The following ZNF69 variants were observed in gnomAD, a reference collection of about 807,000 sequenced individuals.
ZNF69 encodes zinc finger protein 69, also known as ZNF3.
ZNF69 carries 47 observed loss-of-function variants against 50.9 expected under a neutral mutation model. The ratio of observed to expected loss-of-function variants is 0.92; its 90% confidence interval spans 0.73 to 1.18. ZNF69 has a LOEUF of 1.18. Among genes scored for constraint, ZNF69 ranks in the 50% most tolerant of loss-of-function variants. The pLI is 0.00. For synonymous variants in ZNF69, 216 were observed against 223.1 expected, an observed-to-expected ratio of 0.97 and a Z score of 0.29; for missense variants, 717 against 675.1, an observed-to-expected ratio of 1.06 and a Z score of -0.69.
chr19:11,972,880 T>C, the ZNF69 span, among the ~76,000 whole-genome samples: 1 of 151,496 alleles, frequency 6.6e-6, no homozygotes, highest in Non-Finnish European at 1.5e-5. Context: ...CAGCTTGAAC[T>C]GCAGTGTTGG....
At chr19:11,922,747 T>C in the ZNF69 span, among the ~76,000 whole-genome samples, 1 of 152,130 alleles carries the variant, frequency 6.6e-6, no homozygotes, top group African/African-American at 2.4e-5. Context: ...TACCACCTGC[T>C]GTGTTTTACA....
the ZNF69 span, among the ~76,000 whole-genome samples, chr19:11,922,567 C>CA: frequency 4.1e-4 from 62 of 152,268 alleles, no homozygotes; most frequent in African/African-American, 8.4e-4. Context: ...GAAGGTTCTG[C>CA]AGCTTGGTTT....
At chr19:11,976,171 T>G in the ZNF69 span, among the ~76,000 whole-genome samples, 5 of 150,360 alleles carry the variant, frequency 3.3e-5, no homozygotes. Context: ...GATTACACTT[T>G]GGGAACAGGC....
At chr19:11,902,472 C>G (rs545022326) in intron 1 of ZNF69, among the ~76,000 whole-genome samples, 2 of 152,030 alleles carry the variant, frequency 1.3e-5, no homozygotes, top group South Asian at 4.2e-4. Context: ...TCTTGTTTGC[C>G]CTCTTGAGTA....
At chr19:11,904,348 C>T (rs1030813231) in intron 3 of ZNF69, among the ~76,000 whole-genome samples, 1 of 152,122 alleles carries the variant, frequency 6.6e-6, no homozygotes, top group Non-Finnish European at 1.5e-5. Flanking sequence ...TCACTGCACT[C>T]CAGTGTGGGC....
chr19:11,947,616 A>G, the ZNF69 span: 9 of 1,514,046 alleles, frequency 5.9e-6, no homozygotes, highest in Admixed American at 9.2e-5. Context: ...TCTCTGCACA[A>G]TCTTAGAATA....
chr19:11,922,737 T>TATC, the ZNF69 span, among the ~76,000 whole-genome samples: 2 of 152,066 alleles, frequency 1.3e-5, no homozygotes, highest in Admixed American at 6.6e-5. Context: ...CATAAGGAAA[T>TATC]ACCACCTGCT....
intron 1 of ZNF69, among the ~76,000 whole-genome samples, chr19:11,889,877 CAT>C (rs1439138789): frequency 6.6e-6 from 1 of 152,140 alleles, no homozygotes; most frequent in Non-Finnish European, 1.5e-5. Context: ...AGCAGGGAAT[CAT>C]GTGAGCAAAG....
the ZNF69 span, chr19:11,950,274 TGAA>T: frequency 1.9e-6 from 3 of 1,593,810 alleles, no homozygotes; most frequent in Non-Finnish European, 2.6e-6. Context: ...TTTATGGACA[TGAA>T]TAGACTCACA....
chr19:11,950,489 C>A, the ZNF69 span: 1 of 652,450 alleles, frequency 1.5e-6, no homozygotes, highest in African/African-American at 1.8e-5. Context: ...ATTCTAGTTC[C>A]GTTTGATATC....
the ZNF69 span, among the ~76,000 whole-genome samples, chr19:11,976,207 A>T: frequency 9.3e-5 from 14 of 150,886 alleles, no homozygotes; most frequent in Non-Finnish European, 4.4e-5. Flanking sequence ...CAGCCTCAGG[A>T]CTGCTAATGT....
At chr19:11,945,910 A>C in the ZNF69 span, among the ~76,000 whole-genome samples, 4 of 152,112 alleles carry the variant, frequency 2.6e-5, no homozygotes, top group Non-Finnish European at 5.9e-5. Flanking sequence ...AGTGCAGGGC[A>C]AGCAGAAAGC....
At chr19:11,918,589 T>A (rs1042018662), downstream of ZNF69, among the ~76,000 whole-genome samples, 3 of 152,038 alleles carry the variant, frequency 2.0e-5, no homozygotes, top group African/African-American at 4.8e-5. Context: ...GCTTGAGCAA[T>A]CCTCCCACCT....
At chr19:11,898,403 T>G (rs904742040) in intron 1 of ZNF69, among the ~76,000 whole-genome samples, 26 of 147,726 alleles carry the variant, frequency 1.8e-4, no homozygotes, top group Non-Finnish European at 3.0e-4. Context: ...TTTTTTTTTT[T>G]TTTTTGAGAC....
At chr19:11,919,175 G>A (rs528842997), downstream of ZNF69, among the ~76,000 whole-genome samples, 465 of 152,150 alleles carry the variant, frequency 3.1e-3, 1 homozygote, top group African/African-American at 0.01. Context: ...GATTACAGGC[G>A]TGAGCCACCG....
chr19:11,904,657 T>C lies in ZNF69; in HGVS notation c.260T>C (p.Ile87Thr), dbSNP rs535992085. ...QNPRRNFRSLIEKKVNEIKDD... is the reference protein window; with the variant it reads ...QNPRRNFRSLTEKKVNEIKDD... ...CTTCTCATTTTTGACAGGAGTCTCA[T>C]AGAAAAGAAAGTCAATGAAATTAAA... The change falls in exon 4 of 4, where the codon ATA becomes ACA. Residue 87 changes from isoleucine to threonine, a missense_variant. Coordinates refer to ENST00000429654, the MANE Select transcript of ZNF69 (RefSeq NM_001364730.1). 2.9e-5 allele frequency: 46 copies of C among 1,611,626 alleles called. No individual in the cohort carries two copies. In the East Asian group the frequency reaches 3.1e-4, roughly 11 times the overall value.
chr19:11,964,247 G>A, the ZNF69 span, among the ~76,000 whole-genome samples: 4 of 152,236 alleles, frequency 2.6e-5, no homozygotes, highest in Admixed American at 6.5e-5. Flanking sequence ...CTGGAAAGCA[G>A]AAGAGACGTG....
chr19:11,955,792 A>G, the ZNF69 span, among the ~76,000 whole-genome samples: 1 of 152,196 alleles, frequency 6.6e-6, no homozygotes, highest in Non-Finnish European at 1.5e-5. Context: ...GTAACGGTGG[A>G]TAACTCTTCT....
the ZNF69 span, among the ~76,000 whole-genome samples, chr19:11,958,170 C>T: frequency 6.6e-6 from 1 of 152,144 alleles, no homozygotes; most frequent in Non-Finnish European, 1.5e-5. Flanking sequence ...CTTTTTCTAT[C>T]CATGTCTCTG....
Sources: gnomAD v4.1 joint callset for allele counts (sites outside exome capture counted in the v4.1 genomes callset) on GRCh38, gnomAD v4.1.1 for gene constraint, MANE v1.5 for transcripts, NCBI Gene and HGNC (gene_info 2026-07-23, HGNC 2026-07-21) for gene names.